RAB38: variants seen among roughly 807,000 people sequenced by gnomAD.
The protein encoded by RAB38 is RAB38, member RAS oncogene family, also known as ras-related protein Rab-38.
RAB38 carries 15 observed loss-of-function variants against 18.4 expected under a neutral mutation model. That is an observed-to-expected ratio of 0.82 (90% CI 0.55 to 1.26). The LOEUF is 1.26. RAB38 is among the 50% of genes most tolerant of loss of function. The pLI is 0.00. For synonymous variants in RAB38, 101 were observed against 104.4 expected, an observed-to-expected ratio of 0.97 and a Z score of 0.20; for missense variants, 294 against 267.4, an observed-to-expected ratio of 1.10 and a Z score of -0.69.
At chr11:88,044,800 C>A in the RAB38 span, among the ~76,000 whole-genome samples, 5 of 152,052 alleles carry the variant, frequency 3.3e-5, no homozygotes, top group Non-Finnish European at 4.4e-5. Flanking sequence ...TCTACAGACC[C>A]ATCTGACCTC....
chr11:87,939,379 T>TACACACACACACAC, the RAB38 span, among the ~76,000 whole-genome samples: 164 of 146,406 alleles, frequency 1.1e-3, no homozygotes, highest in Admixed American at 2.6e-3. Flanking sequence ...CACACATACA[T>TACACACACACACAC]ACACACACAC....
At chr11:88,120,329 T>A (rs1231776993) in intron 2 of RAB38, among the ~76,000 whole-genome samples, 1 of 152,192 alleles carries the variant, frequency 6.6e-6, no homozygotes, top group Non-Finnish European at 1.5e-5. Flanking sequence ...ATTTTCTCTT[T>A]CTCTTCTCCT....
the RAB38 span, among the ~76,000 whole-genome samples, chr11:88,100,516 A>G: frequency 6.6e-6 from 1 of 152,008 alleles, no homozygotes; most frequent in African/African-American, 2.4e-5. Flanking sequence ...AATCCAATCC[A>G]TCAAAGAATC....
the RAB38 span, among the ~76,000 whole-genome samples, chr11:88,091,434 T>G: frequency 6.6e-6 from 1 of 152,002 alleles, no homozygotes; most frequent in African/African-American, 2.4e-5. Flanking sequence ...AGACTTTGAC[T>G]AATGTTACAG....
chr11:87,961,930 G>A, the RAB38 span, among the ~76,000 whole-genome samples: 1 of 152,090 alleles, frequency 6.6e-6, no homozygotes, highest in African/African-American at 2.4e-5. Context: ...GATAAAAGAG[G>A]ATCAAGACTT....
At chr11:87,868,785 T>C in the RAB38 span, among the ~76,000 whole-genome samples, 2 of 151,662 alleles carry the variant, frequency 1.3e-5, no homozygotes. Context: ...CCATCCTCTC[T>C]TCTGGCTGGT....
the RAB38 span, among the ~76,000 whole-genome samples, chr11:87,899,501 A>G: frequency 2.6e-5 from 4 of 151,684 alleles, no homozygotes; most frequent in Non-Finnish European, 5.9e-5. Flanking sequence ...TGCTAAGCAC[A>G]TTTTTTGGCC....
chr11:87,863,422 G>T, the RAB38 span, among the ~76,000 whole-genome samples: 23 of 151,874 alleles, frequency 1.5e-4, 1 homozygote, highest in Middle Eastern at 0.01. Context: ...CAACCACAGA[G>T]TATTGTGTCT....
the RAB38 span, among the ~76,000 whole-genome samples, chr11:87,900,544 C>T: frequency 6.6e-6 from 1 of 151,594 alleles, no homozygotes; most frequent in Non-Finnish European, 1.5e-5. Context: ...ACCAGCTAGA[C>T]ACTTGTTCCC....
At chr11:87,823,874 A>G in the RAB38 span, among the ~76,000 whole-genome samples, 1 of 152,236 alleles carries the variant, frequency 6.6e-6, no homozygotes, top group Non-Finnish European at 1.5e-5. Context: ...CTAGACTCAG[A>G]TAAGTACATA....
At chr11:88,057,265 G>T in the RAB38 span, among the ~76,000 whole-genome samples, 1 of 152,252 alleles carries the variant, frequency 6.6e-6, no homozygotes, top group African/African-American at 2.4e-5. Flanking sequence ...ATTCGTGGGT[G>T]GAATTTGCCC....
intron 1 of RAB38, among the ~76,000 whole-genome samples, chr11:88,155,513 T>G (rs956155209): frequency 6.6e-6 from 1 of 151,788 alleles, no homozygotes; most frequent in Non-Finnish European, 1.5e-5. Context: ...AATAGTATGA[T>G]AGAGAAATAA....
chr11:88,031,537 G>A, the RAB38 span, among the ~76,000 whole-genome samples: 9 of 151,866 alleles, frequency 5.9e-5, no homozygotes, highest in Non-Finnish European at 1.3e-4. Flanking sequence ...AATGTCTCAG[G>A]ATACAAAATC....
chr11:87,837,160 C>T, the RAB38 span, among the ~76,000 whole-genome samples: 28 of 152,296 alleles, frequency 1.8e-4, no homozygotes, highest in Admixed American at 4.6e-4. Context: ...TAACGCCATT[C>T]TCTTTAAGAT....
At chr11:88,043,603 C>T in the RAB38 span, among the ~76,000 whole-genome samples, 4 of 38,738 alleles carry the variant, frequency 1.0e-4, no homozygotes, top group Non-Finnish European at 2.7e-4. Context: ...CACCTTGTGA[C>T]CCCCCCACCC....
Position 88,113,895 on chromosome 11 carries a change from C to A in RAB38, c.*93G>T, listed in dbSNP as rs1027027. The A allele has an allele frequency of 0.26, 382,916 of 1,477,302 alleles. 52,081 individuals are homozygous for A. Among genetic ancestry groups the A allele is most frequent in the Middle Eastern group, 0.36 (2,041 of 5,700 alleles). 91.5% of individuals were successfully genotyped at this position (1,477,302 alleles called of 1,614,324 possible). ...ATCTTTGGCTTGCCACATGTGGTATCTCTATCCTGACGTTTACCCAAAATG... is the reference window on the plus strand; with the variant it reads ...ATCTTTGGCTTGCCACATGTGGTATATCTATCCTGACGTTTACCCAAAATG... On this transcript the variant is annotated 3_prime_UTR_variant, in exon 3 of 3. Coordinates refer to ENST00000243662, the MANE Select transcript of RAB38 (RefSeq NM_022337.3).
chr11:88,138,138 C>T (rs1239373992), intron 2 of RAB38, among the ~76,000 whole-genome samples: 3 of 152,056 alleles, frequency 2.0e-5, no homozygotes, highest in African/African-American at 7.2e-5. Flanking sequence ...GGATTACAGC[C>T]GTGTGCTGGC....
intron 2 of RAB38, 120 bp from the exon 3 acceptor site, chr11:88,114,260 C>A: frequency 9.9e-7 from 1 of 1,010,290 alleles, no homozygotes; most frequent in East Asian, 2.5e-5. Context: ...TATGCATCCC[C>A]CTCCTGTTTC....
the RAB38 span, among the ~76,000 whole-genome samples, chr11:88,065,427 A>G: frequency 6.6e-6 from 1 of 152,226 alleles, no homozygotes; most frequent in Non-Finnish European, 1.5e-5. Context: ...AAGGTGAAGA[A>G]GTGCTGAAAG....
Sources: gnomAD v4.1 joint callset for allele counts (sites outside exome capture counted in the v4.1 genomes callset) on GRCh38, gnomAD v4.1.1 for gene constraint, MANE v1.5 for transcripts, NCBI Gene and HGNC (gene_info 2026-07-23, HGNC 2026-07-21) for gene names.